The following NLRP7 variants were observed in gnomAD, a reference collection of about 807,000 sequenced individuals.
NLRP7 encodes the protein NACHT, LRR and PYD domains-containing protein 7.
A neutral mutation model predicts 85.5 loss-of-function variants in NLRP7; 72 were observed. The ratio of observed to expected loss-of-function variants is 0.84; its 90% CI spans 0.70 to 1.02. The LOEUF is 1.02. NLRP7 is among the 50% of genes least tolerant of loss of function. The probability of loss-of-function intolerance (pLI) is 0.00; values close to 1 mark genes in which losing one functional copy is unlikely to be tolerated. For missense variants in NLRP7, 1,243 were observed against 1,219.5 expected (o/e 1.02, Z -0.29); for synonymous variants, 550 against 505.2 (o/e 1.09, Z -1.19).
upstream of NLRP7, among the ~76,000 whole-genome samples, chr19:54,950,902 G>A (rs545228039): frequency 1.1e-3 from 163 of 152,302 alleles, no homozygotes; most frequent in African/African-American, 3.8e-3. Context: ...ATCACATGGG[G>A]AGAAACCCTG....
chr19:54,940,191 G>A (rs750084751), exon 4 of NLRP7: 22 of 1,614,226 alleles, frequency 1.4e-5, no homozygotes, highest in South Asian at 2.2e-5. Context: ...TTGCAGCTGA[G>A]GTAGAACGCG....
chr19:54,953,055 G>GCCGCTGAGGCAGGAGAATCGCTTC (rs1569542104), intron 1 of NLRP7: 1 of 151,862 alleles, frequency 6.6e-6, no homozygotes, highest in African/African-American at 2.4e-5. Flanking sequence ...AGAATCGCTT[G>GCCGCTGAGGCAGGAGAATCGCTTC]AGCCGGGGAG....
At chr19:54,943,555 C>T (rs753421644) in intron 1 of NLRP7, among the ~76,000 whole-genome samples, 13 of 145,762 alleles carry the variant, frequency 8.9e-5, no homozygotes, top group South Asian at 2.3e-4. Context: ...GAGCGGAGAT[C>T]GCGCCACCGC....
At chr19:54,932,284 C>T (rs553226193) in intron 8 of NLRP7, among the ~76,000 whole-genome samples, 1 of 152,132 alleles carries the variant, frequency 6.6e-6, no homozygotes, top group African/African-American at 2.4e-5. Context: ...AAAAATTAGC[C>T]AGGCATGGTG....
exon 2 of NLRP7, chr19:54,941,458 T>C (rs772857410): frequency 1.1e-5 from 18 of 1,612,448 alleles, no homozygotes; most frequent in African/African-American, 6.7e-5. Context: ...CTTTGCCATC[T>C]TACACAATTC....
Position 54,940,285 on chromosome 19 carries a change from G to GCCGTGCAGCA in NLRP7, c.524_533dup (p.Pro179AlafsTer58). 1 of 1,614,206 alleles carries GCCGTGCAGCA rather than the reference G, an allele frequency of 6.2e-7. No individual in the cohort carries two copies. The highest frequency in any genetic ancestry group is 8.5e-7 in the Non-Finnish European group (1 of 1,180,032). On this transcript the variant is annotated frameshift_variant, in exon 4 of 10. Transcript: ENST00000340844. LOFTEE classifies it high-confidence loss of function. ...GCGTGGTTTTCCCCACGCCTGCGGG[G>GCCGTGCAGCA]CCGTGCAGCACCACCGTGTAAGGTG... is the stretch of plus-strand genomic sequence containing the variant.
At chr19:54,941,885 T>A in intron 1 of NLRP7, 135 bp from the exon 2 acceptor site, 1 of 735,366 alleles carries the variant, frequency 1.4e-6, no homozygotes, top group South Asian at 2.4e-5. Context: ...ATTAAGAGAC[T>A]GAAAATCTGG....
At chr19:54,952,102 A>G (rs937489120), upstream of NLRP7, among the ~76,000 whole-genome samples, 6 of 152,156 alleles carry the variant, frequency 3.9e-5, no homozygotes, top group Admixed American at 6.6e-5. Flanking sequence ...ACTCTGGGAC[A>G]TTAGAATTAT....
intron 9 of NLRP7, among the ~76,000 whole-genome samples, chr19:54,926,227 T>TGTGTGTGTGTGTGTGTGC (rs372128868): frequency 1.3e-5 from 2 of 150,840 alleles, no homozygotes; most frequent in South Asian, 2.1e-4. Context: ...TGTGTGTGTG[T>TGTGTGTGTGTGTGTGTGC]GCTCATGCAC....
At chr19:54,948,155 G>A (rs991227018), upstream of NLRP7, among the ~76,000 whole-genome samples, 3 of 152,146 alleles carry the variant, frequency 2.0e-5, no homozygotes, top group Admixed American at 6.6e-5. Context: ...AAGCCGAGGC[G>A]GGTGGATCAC....
chr19:54,932,876 C>G (rs1368549037), intron 8 of NLRP7, among the ~76,000 whole-genome samples: 2 of 151,870 alleles, frequency 1.3e-5, no homozygotes, highest in African/African-American at 4.8e-5. Context: ...AGGCTGGTCT[C>G]GAACCTTAGG....
At position 54,956,805 on chromosome 19, in the gene NLRP7, T is replaced by C. The variant is rs141926011; in HGVS notation, c.-77+9235A>G. On this transcript the variant is annotated intron_variant, in intron 1 of 2. Transcript: ENST00000587103. ...ACACCACGCCTTCTAATTTTTTGCA[T>C]TTTTAGTAGAAACGGGGTTTCACCA... Among the ~76,000 whole-genome samples the C allele has an allele frequency of 5.1e-3, 779 of 151,800 alleles. 6 individuals are homozygous for C. Among genetic ancestry groups the C allele is most frequent in the African/African-American group, 0.018 (750 of 41,458 alleles).
intron 1 of NLRP7, among the ~76,000 whole-genome samples, chr19:54,961,152 C>T (rs936038660): frequency 2.0e-5 from 3 of 151,592 alleles, no homozygotes; most frequent in African/African-American, 4.8e-5. Flanking sequence ...GGCGGGAGGG[C>T]CATGGAGCCC....
chr19:54,940,056 G>T (rs1459120101), exon 4 of NLRP7: 1 of 1,614,160 alleles, frequency 6.2e-7, no homozygotes. Context: ...AGCTCATCAA[G>T]GCCATCGACC....
At chr19:54,962,171 AAAAAAAG>A (rs1328538188) in intron 1 of NLRP7, among the ~76,000 whole-genome samples, 1 of 150,648 alleles carries the variant, frequency 6.6e-6, no homozygotes, top group Non-Finnish European at 1.5e-5. Flanking sequence ...CTCAAAAAAA[AAAAAAAG>A]AAAAAATGAA....
At chr19:54,962,030 G>A (rs547125749) in intron 1 of NLRP7, among the ~76,000 whole-genome samples, 1 of 150,076 alleles carries the variant, frequency 6.7e-6, no homozygotes, top group Non-Finnish European at 1.5e-5. Flanking sequence ...GGGCGTGGTG[G>A]TACATGCCTG....
At chr19:54,926,949 C>T (rs1214055948) in intron 9 of NLRP7, among the ~76,000 whole-genome samples, 2 of 143,240 alleles carry the variant, frequency 1.4e-5, no homozygotes, top group African/African-American at 5.2e-5. Flanking sequence ...AATTAGCCAG[C>T]TGTGGTGGTG....
At chr19:54,923,945 T>C in intron 9 of NLRP7, 73 bp from the exon 11 acceptor site, 1 of 1,513,202 alleles carries the variant, frequency 6.6e-7, no homozygotes. Context: ...AATATCTGTT[T>C]TCAAACACTC....
intron 8 of NLRP7, among the ~76,000 whole-genome samples, chr19:54,932,413 G>A (rs71367125): frequency 0.3 from 45,019 of 150,272 alleles, 7,052 homozygotes; most frequent in East Asian, 0.41. Flanking sequence ...GGGCGACAGA[G>A]TGAGACTTCA....
Sources: allele counts gnomAD v4.1 joint callset (sites outside exome capture counted in the v4.1 genomes callset), GRCh38; gene constraint gnomAD v4.1.1; transcripts MANE v1.5; gene names NCBI Gene and HGNC (gene_info 2026-07-23, HGNC 2026-07-21).